DNAH8: variants seen among roughly 807,000 people sequenced by gnomAD.
The protein encoded by DNAH8 is dynein axonemal heavy chain 8.
DNAH8 carries 382 observed loss-of-function variants against 562.1 expected under a neutral mutation model. That is an observed-to-expected ratio of 0.68 (90% CI 0.63 to 0.74). The LOEUF (loss-of-function observed/expected upper bound fraction) is 0.74, where lower values mean the gene tolerates loss of function less well. Ranked by LOEUF, DNAH8 falls within the 30% of genes least tolerant of loss-of-function variation. The probability of loss-of-function intolerance (pLI) is 0.00; values close to 1 mark genes in which losing one functional copy is unlikely to be tolerated. For missense variants in DNAH8, 5,203 were observed against 5,620.4 expected, an observed-to-expected ratio of 0.93 and a Z score of 2.37; for synonymous variants, 1,881 against 1,919.4, an observed-to-expected ratio of 0.98 and a Z score of 0.52.
chr6:38,978,090 A>G lies in DNAH8; in HGVS notation c.12834+3561A>G, dbSNP rs545218490. ...CTCCCCATCACCTTGGTTTGTCCAC[A>G]TTGAACTGCGTATTTCTTTATGACT... On this transcript the variant is annotated intron_variant, in intron 85 of 92. Coordinates refer to ENST00000327475, the MANE Select transcript of DNAH8 (RefSeq NM_001206927.2). Among the ~76,000 whole-genome samples the G allele has an allele frequency of 7.2e-5, 11 of 152,326 alleles. No individual in the cohort carries two copies. In the South Asian group the frequency reaches 8.3e-4, roughly 11 times the overall value.
At chr6:38,929,781 A>G in intron 75 of DNAH8, 115 bp downstream of exon 75, 1 of 990,382 alleles carries the variant, frequency 1.0e-6, no homozygotes, top group Non-Finnish European at 1.4e-6. Context: ...TACTTATCTT[A>G]TTGAGCATAG....
intron 65 of DNAH8, among the ~76,000 whole-genome samples, chr6:38,910,718 C>T (rs1425690789): frequency 6.6e-6 from 1 of 151,838 alleles, no homozygotes; most frequent in Admixed American, 6.6e-5. Context: ...GAAGTTTATT[C>T]TGAATGTAAT....
intron 4 of DNAH8, among the ~76,000 whole-genome samples, chr6:38,733,975 A>T (rs1471605684): frequency 8.0e-6 from 1 of 125,278 alleles, no homozygotes. Flanking sequence ...GGCTCCATCT[A>T]AAAAAAAAAA....
chr6:38,742,401 G>A (rs1382492107), intron 8 of DNAH8, among the ~76,000 whole-genome samples: 3 of 151,970 alleles, frequency 2.0e-5, no homozygotes, highest in African/African-American at 4.8e-5. Context: ...AGGCTCAAGC[G>A]ATTATCTTGC....
intron 8 of DNAH8, among the ~76,000 whole-genome samples, chr6:38,749,150 A>G (rs959336175): frequency 4.6e-5 from 7 of 152,160 alleles, no homozygotes; most frequent in African/African-American, 1.7e-4. Context: ...AGACTGGATA[A>G]AGAAAATGTG....
chr6:38,964,784 G>A (rs1198789766), intron 82 of DNAH8, among the ~76,000 whole-genome samples: 1 of 152,052 alleles, frequency 6.6e-6, no homozygotes, highest in African/African-American at 2.4e-5. Flanking sequence ...TGTATAGTCC[G>A]GGCATGGTGG....
At chr6:38,828,336 A>C in intron 30 of DNAH8, 48 bp downstream of exon 30, 1 of 1,172,914 alleles carries the variant, frequency 8.5e-7, no homozygotes, top group Non-Finnish European at 1.2e-6. Context: ...CACTATCTCC[A>C]GAAAAAAAAG....
chr6:38,733,097 G>A (rs1219926201), intron 4 of DNAH8, among the ~76,000 whole-genome samples: 2 of 152,028 alleles, frequency 1.3e-5, no homozygotes, highest in Non-Finnish European at 2.9e-5. Flanking sequence ...TTACTGTGTT[G>A]CCCAGGTTGG....
intron 92 of DNAH8, 115 bp downstream of exon 92, chr6:39,026,782 G>A: frequency 8.7e-7 from 1 of 1,152,920 alleles, no homozygotes; most frequent in African/African-American, 1.5e-5. Context: ...TTGCAGTGAG[G>A]GTTCCCTCCA....
At chr6:38,815,692 T>C (rs1772196392) in intron 26 of DNAH8, 35 bp downstream of exon 26, 2 of 1,555,118 alleles carry the variant, frequency 1.3e-6, no homozygotes, top group African/African-American at 2.8e-5. Flanking sequence ...ATCTTACTGA[T>C]CCTTTTTGGA....
intron 35 of DNAH8, among the ~76,000 whole-genome samples, chr6:38,843,991 G>A (rs546291499): frequency 1.6e-4 from 24 of 152,166 alleles, no homozygotes; most frequent in African/African-American, 5.3e-4. Flanking sequence ...ATCCAGGAAT[G>A]TGCTGACCTA....
Position 38,951,439 on chromosome 6 carries a change from C to G in DNAH8, c.12370C>G (p.Arg4124Gly), listed in dbSNP as rs1318531581. The change falls in exon 82 of 93, where the codon CGG becomes GGG. Residue 4124 changes from arginine to glycine, a missense_variant. This residue lies in a region of DNAH8 where 1,399 missense variants were observed against 1,518.4 expected (regional missense o/e 0.92). Coordinates refer to ENST00000327475, the MANE Select transcript of DNAH8 (RefSeq NM_001206927.2). ...LEKTWEESDT[R>G]TPLICFLSMG... is the part of the protein sequence containing the mutation. ...GAAAACTTGGGAAGAAAGTGATACC[C>G]GGACACCTCTGATATGCTTCCTGTC... 6.2e-7 allele frequency: 1 copy of G among 1,614,058 alleles called. No homozygotes were observed. Among genetic ancestry groups the G allele is most frequent in the Non-Finnish European group, 8.5e-7 (1 of 1,180,012 alleles).
intron 58 of DNAH8, among the ~76,000 whole-genome samples, chr6:38,891,134 T>C (rs1779315225): frequency 6.6e-6 from 1 of 152,244 alleles, no homozygotes; most frequent in Non-Finnish European, 1.5e-5. Flanking sequence ...ACTTAATACA[T>C]GGATTTCCAG....
chr6:38,929,433 C>T, intron 74 of DNAH8, 78 bp from the exon 75 acceptor site: 2 of 1,368,368 alleles, frequency 1.5e-6, no homozygotes, highest in South Asian at 1.9e-5. Context: ...ATTACCTGTC[C>T]AACAAATCTC....
At chr6:38,794,857 A>T (rs1770078540) in intron 21 of DNAH8, among the ~76,000 whole-genome samples, 1 of 49,594 alleles carries the variant, frequency 2.0e-5, no homozygotes, top group Non-Finnish European at 3.8e-5. Context: ...ATATACTAAG[A>T]ATTCTTGTAA....
At chr6:38,715,951 TA>T (rs1234748759) in intron 1 of DNAH8, among the ~76,000 whole-genome samples, 15 of 28,080 alleles carry the variant, frequency 5.3e-4, no homozygotes, top group South Asian at 2.9e-3. Context: ...TATATATATA[TA>T]TATATATATT....
chr6:38,861,546 T>C (rs1313997837), intron 43 of DNAH8, among the ~76,000 whole-genome samples: 1 of 152,204 alleles, frequency 6.6e-6, no homozygotes, highest in Non-Finnish European at 1.5e-5. Context: ...CATCAGCCTG[T>C]GGTGCTTACC....
rs1479670585 is a variant in DNAH8, at chr6:38,917,136, T to C, written c.10141-103T>C. 4 of 798,828 alleles carry C rather than the reference T, an allele frequency of 5.0e-6. No homozygotes were observed. The African/African-American group carries it at 5.4e-5, about 11-fold the overall frequency. The allele number at this position is 798,828 out of a possible 1,614,324, so 49.5% of individuals were successfully genotyped here. On this transcript the variant is annotated intron_variant, in intron 68 of 92. Coordinates refer to ENST00000327475, the MANE Select transcript of DNAH8 (RefSeq NM_001206927.2). Reference sequence around the variant, plus strand: ...AAATCTTGGAAATGGAGAGAAAATATGTTTTAAAGTTTTCTATCTTAATTA... The same window carrying C: ...AAATCTTGGAAATGGAGAGAAAATACGTTTTAAAGTTTTCTATCTTAATTA...
rs1004409295 is a variant in DNAH8 at position 38,949,778 on chromosome 6, G to A, written c.12248+208G>A. ...TAGCAGTTCTTCAGTTCCTTGACAAGCAAAATAAAATGGTGATGGTGACAG... is the reference window on the plus strand; with the variant it reads ...TAGCAGTTCTTCAGTTCCTTGACAAACAAAATAAAATGGTGATGGTGACAG... On this transcript the variant is annotated intron_variant, in intron 81 of 92. Transcript: ENST00000327475. Among the ~76,000 whole-genome samples the A allele has an allele frequency of 2.6e-5, 4 of 152,146 alleles. No individual in the cohort carries two copies. The South Asian group carries it at 6.2e-4, about 24-fold the overall frequency.
Sources: gnomAD v4.1 joint callset for allele counts (sites outside exome capture counted in the v4.1 genomes callset) on GRCh38, gnomAD v4.1.1 for gene constraint, gnomAD v4.1.1 regional missense constraint, MANE v1.5 for transcripts, NCBI Gene and HGNC (gene_info 2026-07-23, HGNC 2026-07-21) for gene names.